Variants in SCHIP1 observed in about 807,000 individuals in gnomAD.
SCHIP1 encodes schwannomin interacting protein 1.
Under a neutral mutation model 29.7 loss-of-function variants are expected in SCHIP1, and 8 were observed. The ratio of observed to expected loss-of-function variants is 0.27; its 90% CI spans 0.16 to 0.49. The LOEUF is 0.49. Among genes scored for constraint, SCHIP1 ranks in the 20% least tolerant of loss-of-function variants. SCHIP1 has a pLI of 0.99. For synonymous variants in SCHIP1, 76 were observed against 94.9 expected (o/e 0.80, Z 1.16); for missense variants, 193 against 294.6 (o/e 0.66, Z 2.52).
the SCHIP1 span, among the ~76,000 whole-genome samples, chr3:159,612,206 A>G: frequency 2.0e-5 from 3 of 152,288 alleles, no homozygotes; most frequent in South Asian, 6.2e-4. Context: ...CCAAAGCTAT[A>G]ATCATTTTTT....
chr3:159,596,447 A>G, the SCHIP1 span, among the ~76,000 whole-genome samples: 2 of 152,166 alleles, frequency 1.3e-5, no homozygotes, highest in Non-Finnish European at 1.5e-5. Context: ...TCCTATTACT[A>G]GGCATATACC....
chr3:159,693,186 A>G, the SCHIP1 span, among the ~76,000 whole-genome samples: 1 of 152,194 alleles, frequency 6.6e-6, no homozygotes, highest in Non-Finnish European at 1.5e-5. Flanking sequence ...AATTGATGCC[A>G]TAAATTGACA....
the SCHIP1 span, among the ~76,000 whole-genome samples, chr3:159,497,312 A>G: frequency 6.6e-6 from 1 of 152,006 alleles, no homozygotes; most frequent in African/African-American, 2.4e-5. Context: ...TTCATATTCA[A>G]GTTGATACCA....
chr3:159,737,836 G>A, the SCHIP1 span, among the ~76,000 whole-genome samples: 9 of 152,290 alleles, frequency 5.9e-5, no homozygotes, highest in South Asian at 4.2e-4. Context: ...ATGGGTGCTC[G>A]GTGGGAGAGA....
chr3:159,756,541 T>C, the SCHIP1 span, among the ~76,000 whole-genome samples: 97 of 152,320 alleles, frequency 6.4e-4, no homozygotes, highest in Middle Eastern at 0.014. Context: ...TGAAGACCTA[T>C]GACATGCCCT....
intron 1 of SCHIP1, among the ~76,000 whole-genome samples, chr3:159,858,855 C>T (rs960090246): frequency 6.6e-6 from 1 of 152,102 alleles, no homozygotes; most frequent in African/African-American, 2.4e-5. Flanking sequence ...CCCAGGCTGA[C>T]ACTTATTTAA....
At chr3:159,384,429 T>C in the SCHIP1 span, among the ~76,000 whole-genome samples, 2 of 150,506 alleles carry the variant, frequency 1.3e-5, no homozygotes, top group African/African-American at 4.9e-5. Flanking sequence ...TTGTGTATAT[T>C]GAACCAGCCT....
chr3:159,885,215 C>T (rs781634690), intron 2 of SCHIP1, among the ~76,000 whole-genome samples: 8 of 152,194 alleles, frequency 5.3e-5, no homozygotes. Flanking sequence ...GCATCCTCTG[C>T]CCTAAACCTG....
the SCHIP1 span, among the ~76,000 whole-genome samples, chr3:159,555,648 G>C: frequency 2.0e-5 from 3 of 151,974 alleles, no homozygotes; most frequent in Non-Finnish European, 4.4e-5. Context: ...TTTTAAATTT[G>C]ACTTTCATTC....
intron 1 of SCHIP1, chr3:159,845,474 G>A (rs114180310): frequency 0.045 from 6,869 of 151,306 alleles, 203 homozygotes; most frequent in Non-Finnish European, 0.069. Flanking sequence ...TCCACCTCCC[G>A]GGTTCCAGCG....
At chr3:159,410,898 A>G in the SCHIP1 span, among the ~76,000 whole-genome samples, 1 of 152,168 alleles carries the variant, frequency 6.6e-6, no homozygotes, top group African/African-American at 2.4e-5. Context: ...AGATGAATGG[A>G]TAAAGAAAAT....
chr3:159,630,988 C>CA, the SCHIP1 span, among the ~76,000 whole-genome samples: 645 of 148,746 alleles, frequency 4.3e-3, 4 homozygotes, highest in African/African-American at 0.015. Flanking sequence ...AGGAAAGTAC[C>CA]AAAAAAAAAG....
At chr3:159,420,374 T>G in the SCHIP1 span, among the ~76,000 whole-genome samples, 4 of 152,232 alleles carry the variant, frequency 2.6e-5, no homozygotes, top group Non-Finnish European at 5.9e-5. Context: ...GGAAAATACC[T>G]GAAGAGTATT....
At chr3:159,790,725 T>C in the SCHIP1 span, among the ~76,000 whole-genome samples, 2 of 152,180 alleles carry the variant, frequency 1.3e-5, no homozygotes, top group African/African-American at 4.8e-5. Context: ...TCTCTGCACA[T>C]TGAGAGGACC....
the SCHIP1 span, among the ~76,000 whole-genome samples, chr3:159,807,649 A>G: frequency 6.6e-6 from 1 of 152,176 alleles, no homozygotes; most frequent in South Asian, 2.1e-4. Context: ...TAAGTAGGAA[A>G]ATTCTCTTGG....
chr3:159,316,638 T>C, the SCHIP1 span, among the ~76,000 whole-genome samples: 1 of 152,254 alleles, frequency 6.6e-6, no homozygotes, highest in East Asian at 1.9e-4. Context: ...TCATACATAA[T>C]CTTCAAATAA....
At chr3:159,725,850 T>C in the SCHIP1 span, among the ~76,000 whole-genome samples, 1 of 152,168 alleles carries the variant, frequency 6.6e-6, no homozygotes, top group Non-Finnish European at 1.5e-5. Context: ...AGGTAAAATT[T>C]AAATACTCCT....
chr3:159,481,274 C>G, the SCHIP1 span, among the ~76,000 whole-genome samples: 1 of 152,104 alleles, frequency 6.6e-6, no homozygotes, highest in Non-Finnish European at 1.5e-5. Context: ...TGCAGATGAT[C>G]TTGATGTACC....
the SCHIP1 span, among the ~76,000 whole-genome samples, chr3:159,434,493 A>G: frequency 2.6e-5 from 4 of 152,070 alleles, no homozygotes; most frequent in African/African-American, 4.8e-5. Context: ...TGTCAGGGTG[A>G]TAGGTTAGTG....
Sources: allele counts gnomAD v4.1 joint callset (sites outside exome capture counted in the v4.1 genomes callset), GRCh38; gene constraint gnomAD v4.1.1; transcripts MANE v1.5; gene names NCBI Gene and HGNC (gene_info 2026-07-23, HGNC 2026-07-21).